The following LIMS1 variants were observed in gnomAD, a reference collection of about 807,000 sequenced individuals.
LIMS1 encodes LIM zinc finger domain containing 1.
Under a neutral mutation model 44.1 loss-of-function variants are expected in LIMS1, and 18 were observed. The observed-to-expected ratio is 0.41, with a 90% CI of 0.28 to 0.61. The LOEUF is 0.61. Ranked by LOEUF, LIMS1 falls within the 20% of genes least tolerant of loss-of-function variation. LIMS1 has a pLI of 0.32. For missense variants in LIMS1, 201 were observed against 422.0 expected (o/e 0.48, Z 4.59); for synonymous variants, 93 against 149.1 (o/e 0.62, Z 2.74).
At chr2:108,621,516 AG>A in intron 1 of LIMS1, 1 of 1,283,346 alleles carries the variant, frequency 7.8e-7, no homozygotes, top group Non-Finnish European at 1.1e-6. Flanking sequence ...TAGTAAGTGC[AG>A]TGGGGATTCA....
chr2:108,641,113 T>C (rs1689641061), intron 1 of LIMS1, among the ~76,000 whole-genome samples: 1 of 152,224 alleles, frequency 6.6e-6, no homozygotes, highest in Non-Finnish European at 1.5e-5. Flanking sequence ...TGACAGGATC[T>C]AATTCTTTTT....
At chr2:108,550,947 C>G (rs1684668809) in intron 1 of LIMS1, among the ~76,000 whole-genome samples, 1 of 151,898 alleles carries the variant, frequency 6.6e-6, no homozygotes, top group African/African-American at 2.4e-5. Context: ...ATAACAAGAC[C>G]TCATCTCTAC....
intron 1 of LIMS1, among the ~76,000 whole-genome samples, chr2:108,645,158 A>T (rs2148929654): frequency 6.6e-6 from 1 of 152,112 alleles, no homozygotes; most frequent in South Asian, 2.1e-4. Context: ...CCAGAAAGAT[A>T]CTCCTTGAGA....
intron 1 of LIMS1, among the ~76,000 whole-genome samples, chr2:108,617,328 ATTC>A (rs1687980996): frequency 6.6e-6 from 1 of 152,218 alleles, no homozygotes; most frequent in South Asian, 2.1e-4. Context: ...CTAATTTTTT[ATTC>A]TTATCACAAA....
intron 2 of LIMS1, among the ~76,000 whole-genome samples, chr2:108,668,994 G>C (rs1362685809): frequency 6.6e-6 from 1 of 152,160 alleles, no homozygotes; most frequent in African/African-American, 2.4e-5. Context: ...AGCTACTCAA[G>C]AGGCTGATGT....
intron 1 of LIMS1, chr2:108,588,294 T>C (rs1686203482): frequency 8.1e-6 from 8 of 983,768 alleles, no homozygotes; most frequent in African/African-American, 1.8e-5. Context: ...CTGAACTTGG[T>C]TTCATTGGCT....
chr2:108,558,675 AT>A (rs5833291), intron 1 of LIMS1, among the ~76,000 whole-genome samples: 2,820 of 143,414 alleles, frequency 0.02, 85 homozygotes, highest in African/African-American at 0.068. Flanking sequence ...TTTATTTTTA[AT>A]TTTTTTTTTT....
intron 1 of LIMS1, among the ~76,000 whole-genome samples, chr2:108,628,081 C>T (rs1256156953): frequency 6.6e-6 from 1 of 152,238 alleles, no homozygotes; most frequent in Non-Finnish European, 1.5e-5. Context: ...GCCTGCAGTG[C>T]TGAGTGTTCT....
At chr2:108,577,015 A>G (rs1465824808) in intron 1 of LIMS1, among the ~76,000 whole-genome samples, 1 of 152,170 alleles carries the variant, frequency 6.6e-6, no homozygotes, top group East Asian at 1.9e-4. Context: ...TTTCACTAGT[A>G]TGTCCAAATT....
intron 1 of LIMS1, among the ~76,000 whole-genome samples, chr2:108,561,917 A>G (rs1685138706): frequency 6.6e-6 from 1 of 150,988 alleles, no homozygotes; most frequent in Non-Finnish European, 1.5e-5. Context: ...TAATTTTTGT[A>G]CTTTGTAGTA....
chr2:108,614,868 G>T (rs1021990835), intron 1 of LIMS1, among the ~76,000 whole-genome samples: 1 of 152,168 alleles, frequency 6.6e-6, no homozygotes, highest in Non-Finnish European at 1.5e-5. Context: ...AGGAATTGTG[G>T]TTTATTTTTT....
At chr2:108,569,622 G>A (rs13023059) in intron 1 of LIMS1, among the ~76,000 whole-genome samples, 56,892 of 151,840 alleles carry the variant, frequency 0.37, 11,258 homozygotes, top group Middle Eastern at 0.52. Flanking sequence ...TTTGAGACAG[G>A]GTCTCTCTGT....
chr2:108,643,744 G>A (rs1159360721), intron 1 of LIMS1, among the ~76,000 whole-genome samples: 5 of 152,202 alleles, frequency 3.3e-5, no homozygotes, highest in Non-Finnish European at 5.9e-5. Context: ...CCCCCACGGA[G>A]CCAAACAAGC....
chr2:108,581,498 A>G (rs1685883644), intron 1 of LIMS1, among the ~76,000 whole-genome samples: 1 of 152,166 alleles, frequency 6.6e-6, no homozygotes. Flanking sequence ...TTCTTACTCA[A>G]ATAAACTCTT....
chr2:108,653,971 TA>T (rs1246411328), intron 1 of LIMS1, among the ~76,000 whole-genome samples: 1 of 146,728 alleles, frequency 6.8e-6, no homozygotes, highest in Non-Finnish European at 1.5e-5. Context: ...ACGTGAACAA[TA>T]GGGCAGAGGA....
chr2:108,680,710 A>T (rs1483796086), exon 9 of LIMS1: 1 of 1,610,364 alleles, frequency 6.2e-7, no homozygotes, highest in African/African-American at 1.3e-5. Flanking sequence ...TCTGCTCTTA[A>T]TAAGGCCTGG....
At chr2:108,668,587 C>G (rs878929336) in intron 2 of LIMS1, among the ~76,000 whole-genome samples, 2 of 151,940 alleles carry the variant, frequency 1.3e-5, no homozygotes, top group Non-Finnish European at 2.9e-5. Flanking sequence ...GTATATGTAC[C>G]ATATTTTTTT....
chr2:108,617,479 A>T (rs75353794), intron 1 of LIMS1, among the ~76,000 whole-genome samples: 3,873 of 152,308 alleles, frequency 0.025, 126 homozygotes, highest in South Asian at 0.13. Flanking sequence ...TTTAGGTAAC[A>T]TTGAGTGTTA....
At chr2:108,561,347 G>T (rs1685104057) in intron 1 of LIMS1, among the ~76,000 whole-genome samples, 1 of 152,212 alleles carries the variant, frequency 6.6e-6, no homozygotes, top group Admixed American at 6.5e-5. Context: ...GGCCTATGAA[G>T]TAGGTACTAT....
Sources: allele counts gnomAD v4.1 joint callset (sites outside exome capture counted in the v4.1 genomes callset), GRCh38; gene constraint gnomAD v4.1.1; transcripts MANE v1.5; gene names NCBI Gene and HGNC (gene_info 2026-07-23, HGNC 2026-07-21).